ITPR1: variants seen among roughly 807,000 people sequenced by gnomAD.
ITPR1 encodes inositol 1,4,5-trisphosphate receptor type 1.
A neutral mutation model predicts 318.4 loss-of-function variants in ITPR1; 96 were observed. That is an observed-to-expected ratio of 0.30 (90% CI 0.26 to 0.36). The LOEUF (loss-of-function observed/expected upper bound fraction) is 0.36. Among genes scored for constraint, ITPR1 ranks in the 10% least tolerant of loss-of-function variants. ITPR1 has a pLI of 1.00. For missense variants in ITPR1, 2,440 were observed against 3,460.2 expected (o/e 0.71, Z 7.40); for synonymous variants, 1,312 against 1,289.9 (o/e 1.02, Z -0.37).
chr3:4,787,691 C>G (rs1349854031), intron 51 of ITPR1, among the ~76,000 whole-genome samples: 1 of 152,020 alleles, frequency 6.6e-6, no homozygotes, highest in Non-Finnish European at 1.5e-5. Context: ...GAGCAAGACT[C>G]CTGACTCTGT....
intron 53 of ITPR1, 108 bp from the exon 54 acceptor site, chr3:4,800,317 T>G (rs1043288296): frequency 6.1e-5 from 72 of 1,189,230 alleles, no homozygotes; most frequent in Non-Finnish European, 8.0e-5. Flanking sequence ...TTGGGACTGG[T>G]AAGCCAAAAA....
chr3:4,570,228 G>A (rs908533061), intron 4 of ITPR1, among the ~76,000 whole-genome samples: 1 of 152,172 alleles, frequency 6.6e-6, no homozygotes, highest in African/African-American at 2.4e-5. Flanking sequence ...CAAATTAAAA[G>A]GACAGACTAT....
chr3:4,558,585 G>A (rs934386247), intron 4 of ITPR1, among the ~76,000 whole-genome samples: 4 of 152,082 alleles, frequency 2.6e-5, no homozygotes, highest in African/African-American at 7.2e-5. Flanking sequence ...GGAATTAAAG[G>A]GACTACTTTT....
chr3:4,795,219 T>TA (rs761119846), intron 53 of ITPR1, 32 bp downstream of exon 53: 1 of 1,604,582 alleles, frequency 6.2e-7, no homozygotes, highest in Non-Finnish European at 8.5e-7. Flanking sequence ...AAAATCCTAT[T>TA]AGAAGCAGCA....
At chr3:4,642,728 TGCAGTAGGTCTGGA>T (rs996223566) in intron 7 of ITPR1, among the ~76,000 whole-genome samples, 1 of 152,158 alleles carries the variant, frequency 6.6e-6, no homozygotes, top group Non-Finnish European at 1.5e-5. Context: ...TGTTCAGCAA[TGCAGTAGGTCTGGA>T]GCAGGGCCCA....
At chr3:4,761,193 A>G (rs1467869714) in intron 44 of ITPR1, among the ~76,000 whole-genome samples, 1 of 152,018 alleles carries the variant, frequency 6.6e-6, no homozygotes, top group African/African-American at 2.4e-5. Flanking sequence ...ACCTGGGTAT[A>G]TTGTGCGATG....
intron 4 of ITPR1, among the ~76,000 whole-genome samples, chr3:4,576,159 AGGT>A (rs1205639299): frequency 1.3e-5 from 2 of 152,224 alleles, no homozygotes; most frequent in Non-Finnish European, 2.9e-5. Flanking sequence ...AAACATTGCA[AGGT>A]GGTATAAAAT....
chr3:4,621,295 G>A (rs954044885), intron 4 of ITPR1, among the ~76,000 whole-genome samples: 5 of 152,084 alleles, frequency 3.3e-5, no homozygotes, highest in African/African-American at 1.2e-4. Flanking sequence ...AGGTGAAGGG[G>A]GAAGAGGCAC....
intron 51 of ITPR1, among the ~76,000 whole-genome samples, chr3:4,785,475 A>T (rs2047121961): frequency 6.6e-6 from 1 of 152,238 alleles, no homozygotes. Context: ...CTTTTCAAGA[A>T]TGTGTTCTGA....
rs192850553 is a variant in ITPR1 at position 4,696,308 on chromosome 3, G to A, written c.4282-839G>A. 3.0e-4 allele frequency among the ~76,000 whole-genome samples: 45 copies of A among 152,272 alleles called. No individual in the cohort carries two copies. The South Asian group carries it at 7.9e-3, about 27-fold the overall frequency. On this transcript the variant is annotated intron_variant, in intron 33 of 61. Transcript: ENST00000649015. ...CCCCCCTAATCCTAGGCAACTGATT[G>A]TCTTTCTGAATATATGGATTTGCCT...
chr3:4,823,879 A>C (rs556622179), intron 60 of ITPR1, among the ~76,000 whole-genome samples: 1 of 152,364 alleles, frequency 6.6e-6, no homozygotes, highest in East Asian at 1.9e-4. Context: ...ACATTTGTAC[A>C]AATGAAAAAA....
At chr3:4,759,690 C>T (rs561239531) in intron 44 of ITPR1, among the ~76,000 whole-genome samples, 15 of 152,290 alleles carry the variant, frequency 9.8e-5, no homozygotes, top group African/African-American at 2.4e-4. Flanking sequence ...TTTTATCTAG[C>T]GGCGTCTTTA....
intron 60 of ITPR1, 41 bp downstream of exon 60, chr3:4,818,283 C>G (rs778495737): frequency 1.3e-6 from 2 of 1,519,456 alleles, no homozygotes; most frequent in Non-Finnish European, 1.8e-6. Context: ...GGACTTGGGG[C>G]CTACTCAGCT....
intron 7 of ITPR1, 50 bp from the exon 8 acceptor site, chr3:4,644,086 G>T (rs750297423): frequency 3.2e-6 from 4 of 1,240,722 alleles, no homozygotes; most frequent in African/African-American, 1.5e-5. Flanking sequence ...TGGTCAATCC[G>T]CAGTCCTTAT....
chr3:4,770,428 G>A (rs990413316), intron 46 of ITPR1, among the ~76,000 whole-genome samples: 3 of 152,156 alleles, frequency 2.0e-5, no homozygotes, highest in African/African-American at 7.2e-5. Context: ...CCTCAACTTT[G>A]AAAAAGCATC....
Position 4,721,172 on chromosome 3 carries a change from G to GTA in ITPR1, c.5136+3803_5136+3804dup, listed in dbSNP as rs5846332. On this transcript the variant is annotated intron_variant, in intron 40 of 61. Transcript: ENST00000649015. ...TGTGTGTAGATACGTGTGTGTGCGT[G>GTA]TATATATATATATATATATATATAT... 3.0e-3 allele frequency among the ~76,000 whole-genome samples: 371 copies of GTA among 125,048 alleles called. 8 individuals are homozygous for GTA. The highest frequency in any genetic ancestry group is 0.012 in the African/African-American group (335 of 27,554). 82.0% of individuals were successfully genotyped at this position (125,048 alleles called of 152,430 possible). A position where few individuals can be genotyped will look rare whatever the true frequency, so the allele number is the denominator to read the frequency against.
chr3:4,556,267 ATG>A (rs1367446976), intron 4 of ITPR1, among the ~76,000 whole-genome samples: 3 of 152,112 alleles, frequency 2.0e-5, no homozygotes, highest in Non-Finnish European at 2.9e-5. Context: ...CTCTATCAGG[ATG>A]GTACATTTGT....
chr3:4,824,402 C>T (rs186153920), intron 60 of ITPR1, among the ~76,000 whole-genome samples: 275 of 152,270 alleles, frequency 1.8e-3, no homozygotes, highest in African/African-American at 6.2e-3. Flanking sequence ...AGGGTCGCGG[C>T]GCTGGGAAGT....
In ITPR1 at chr3:4,572,418, A is replaced by C. The variant is rs1348373122; in HGVS notation, c.163+51324A>C. ...CTTTAAAATTATATGCATATATTAT[A>C]GTTCTAATATAGTATATATATTATA... On this transcript the variant is annotated intron_variant, in intron 4 of 61. Coordinates refer to ENST00000649015, the MANE Select transcript of ITPR1 (RefSeq NM_001378452.1). 2.6e-5 allele frequency among the ~76,000 whole-genome samples: 4 copies of C among 152,124 alleles called. No individual in the cohort carries two copies. In the South Asian group the frequency reaches 8.3e-4, roughly 31 times the overall value.
Sources: gnomAD v4.1 joint callset for allele counts (sites outside exome capture counted in the v4.1 genomes callset) on GRCh38, gnomAD v4.1.1 for gene constraint, MANE v1.5 for transcripts, NCBI Gene and HGNC (gene_info 2026-07-23, HGNC 2026-07-21) for gene names.